The following CRACD variants were observed in gnomAD, a reference collection of about 807,000 sequenced individuals.
CRACD encodes the protein capping protein inhibiting regulator of actin dynamics, also known as capping protein-inhibiting regulator of actin dynamics.
CRACD carries 56 observed loss-of-function variants against 106.8 expected under a neutral mutation model. The ratio of observed to expected loss-of-function variants is 0.52; its 90% CI spans 0.42 to 0.66. The LOEUF (loss-of-function observed/expected upper bound fraction) is 0.66, where lower values mean the gene tolerates loss of function less well. Ranked by LOEUF, CRACD falls within the 30% of genes least tolerant of loss-of-function variation. The pLI is 0.00. For synonymous variants in CRACD, 754 were observed against 670.8 expected, an observed-to-expected ratio of 1.12 and a Z score of -1.92; for missense variants, 1,730 against 1,623.2, an observed-to-expected ratio of 1.07 and a Z score of -1.13.
At chr4:56,269,412 C>G (rs1048785014) in intron 2 of CRACD, among the ~76,000 whole-genome samples, 1 of 151,786 alleles carries the variant, frequency 6.6e-6, no homozygotes, top group Non-Finnish European at 1.5e-5. Context: ...TTTAATTGGT[C>G]CACAGTTCTA....
rs111600990 is a variant in CRACD at position 56,275,958 on chromosome 4, C to T, written c.-17+3466C>T. ...TTGAAGGGAGCTGAACTTTAACATC[C>T]TGTCAAACTCCCAAGAATCTGAAAT... On this transcript the variant is annotated intron_variant, in intron 3 of 10. Coordinates refer to ENST00000682029, the MANE Select transcript of CRACD (RefSeq NM_001393381.1). Among the ~76,000 whole-genome samples, 226 of 152,288 alleles carry T rather than the reference C, an allele frequency of 1.5e-3. 2 individuals carry two copies. Among genetic ancestry groups the T allele is most frequent in the African/African-American group, 5.3e-3 (219 of 41,554 alleles).
At chr4:56,267,163 C>T (rs76886577) in intron 2 of CRACD, among the ~76,000 whole-genome samples, 3,714 of 150,850 alleles carry the variant, frequency 0.025, 149 homozygotes, top group African/African-American at 0.082. Context: ...CACTGTCGCT[C>T]GGGCTGGATT....
In CRACD at chr4:56,315,297, A is replaced by C; in HGVS notation, c.1795A>C (p.Thr599Pro). ...LSVPHTAILV[T>P]GAQLCGPAVN... ...CGTTCCCCACACCGCCATTCTGGTC[A>C]CGGGCGCGCAGCTCTGTGGCCCGGC... Residue 599 changes from threonine (T) to proline (P), a missense_variant, in exon 8 of 11, where the codon ACG becomes CCG. Around this residue, in one of 5 missense-constraint regions of CRACD, gnomAD observed 1,620 missense variants for 1,481.6 expected, o/e 1.09. Transcript: ENST00000682029. This position sits in a 1 kb window ranked among gnomAD's most constrained non-coding sequence, Gnocchi z 4.1. 5.0e-6 allele frequency: 8 copies of C among 1,613,664 alleles called. No individual in the cohort carries two copies. The highest frequency in any genetic ancestry group is 6.8e-6 in the Non-Finnish European group (8 of 1,179,876).
At chr4:56,264,779 G>A (rs972791092) in intron 2 of CRACD, among the ~76,000 whole-genome samples, 1 of 152,196 alleles carries the variant, frequency 6.6e-6, no homozygotes, top group African/African-American at 2.4e-5. Flanking sequence ...CTGCAGTAAA[G>A]ACAGGCATAA....
intron 2 of CRACD, among the ~76,000 whole-genome samples, chr4:56,259,422 T>C (rs1741566502): frequency 6.6e-6 from 1 of 152,124 alleles, no homozygotes; most frequent in Admixed American, 6.6e-5. Context: ...ATAGATAAGC[T>C]TGCCCTGTAG....
chr4:56,327,533 C>A, intron 10 of CRACD, 111 bp from the exon 11 acceptor site: 3 of 947,536 alleles, frequency 3.2e-6, no homozygotes, highest in Non-Finnish European at 4.8e-6. Context: ...TTGTACATGA[C>A]AAATACAGTT....
At chr4:56,196,219 A>G (rs1161353936) in intron 2 of CRACD, 1 of 152,562 alleles carries the variant, frequency 6.6e-6, no homozygotes, top group African/African-American at 2.4e-5. Flanking sequence ...CCATGATGAA[A>G]GGTAATGTAC....
intron 1 of CRACD, among the ~76,000 whole-genome samples, chr4:56,156,373 C>T (rs1213998046): frequency 6.6e-6 from 1 of 152,220 alleles, no homozygotes; most frequent in East Asian, 1.9e-4. Flanking sequence ...CTGCCTGCTT[C>T]TCAGGTGTGT....
intron 2 of CRACD, among the ~76,000 whole-genome samples, chr4:56,210,718 T>C (rs991859248): frequency 1.3e-5 from 2 of 152,228 alleles, no homozygotes; most frequent in African/African-American, 4.8e-5. Flanking sequence ...ATTTCCTTTA[T>C]AGATGTAAAT....
chr4:56,135,385 G>A (rs1300510486), intron 1 of CRACD, among the ~76,000 whole-genome samples: 2 of 152,198 alleles, frequency 1.3e-5, no homozygotes, highest in Admixed American at 1.3e-4. Flanking sequence ...GATGAAGATA[G>A]GTTGACTTTG....
At chr4:56,141,383 T>C (rs959885279) in intron 1 of CRACD, among the ~76,000 whole-genome samples, 7 of 152,156 alleles carry the variant, frequency 4.6e-5, no homozygotes, top group Admixed American at 3.9e-4. Flanking sequence ...GTGATTTGCC[T>C]GTCACCATTG....
intron 1 of CRACD, among the ~76,000 whole-genome samples, chr4:56,121,094 C>T (rs1453021199): frequency 6.6e-6 from 1 of 152,194 alleles, no homozygotes; most frequent in African/African-American, 2.4e-5. Context: ...AACACTCCCT[C>T]TTCATATAAC....
At position 56,298,257 on chromosome 4, in the gene CRACD, A is replaced by G. The variant is rs368564027; in HGVS notation, c.28A>G (p.Ser10Gly). ...GGGAACCCGGGCATTTTCCCATGAC[A>G]GTATTTTTATCCCTGATGGGGGAGC... The part of the protein sequence containing the change: MGTRAFSHD[S>G]IFIPDGGAES... The change falls in exon 4 of 11, where the codon AGT becomes GGT. Residue 10 changes from serine (S) to glycine (G), a missense_variant. By Grantham distance (56) the Ser-to-Gly change is moderately conservative. Transcript: ENST00000682029. 2.0e-5 allele frequency: 33 copies of G among 1,614,052 alleles called. No individual in the cohort carries two copies. The highest frequency in any genetic ancestry group is 8.5e-7 in the Non-Finnish European group (1 of 1,179,988).
chr4:56,163,565 T>A (rs148646525), intron 1 of CRACD, among the ~76,000 whole-genome samples: 1,843 of 152,304 alleles, frequency 0.012, 60 homozygotes, highest in East Asian at 0.12. Context: ...TGAAGCACTT[T>A]AAAAATTTTT....
intron 1 of CRACD, among the ~76,000 whole-genome samples, chr4:56,076,503 C>T (rs1190623681): frequency 6.6e-6 from 1 of 152,114 alleles, no homozygotes; most frequent in Non-Finnish European, 1.5e-5. Context: ...GTACCATTTG[C>T]AAAAGAATTT....
intron 5 of CRACD, 37 bp downstream of exon 5, chr4:56,307,736 A>C (rs1410381060): frequency 7.5e-6 from 12 of 1,609,746 alleles, no homozygotes; most frequent in African/African-American, 2.7e-5. Context: ...ATGGCTCATA[A>C]ACCAGGGCAG....
chr4:56,138,050 T>C (rs1363999613), intron 1 of CRACD, among the ~76,000 whole-genome samples: 1 of 148,044 alleles, frequency 6.8e-6, no homozygotes, highest in Admixed American at 6.8e-5. Flanking sequence ...GACATGCTAG[T>C]GTAAAAGTGA....
chr4:56,221,495 A>G (rs191630342), intron 2 of CRACD, among the ~76,000 whole-genome samples: 10 of 152,202 alleles, frequency 6.6e-5, no homozygotes, highest in African/African-American at 2.4e-4. Flanking sequence ...AAAAACCAAA[A>G]TAAATAAATG....
intron 3 of CRACD, among the ~76,000 whole-genome samples, chr4:56,280,531 T>C (rs1230093688): frequency 1.3e-5 from 2 of 152,212 alleles, no homozygotes; most frequent in Non-Finnish European, 2.9e-5. Context: ...ACAACTTCCT[T>C]GACCTTTCCC....
Sources: allele counts gnomAD v4.1 joint callset (sites outside exome capture counted in the v4.1 genomes callset), GRCh38; gene constraint gnomAD v4.1.1; regional missense constraint gnomAD v4.1.1; non-coding constraint Gnocchi (gnomAD v3.1); transcripts MANE v1.5; gene names NCBI Gene and HGNC (gene_info 2026-07-23, HGNC 2026-07-21).